Variants in CASKIN2 observed in about 807,000 individuals in gnomAD.
CASKIN2 encodes the protein CASK interacting protein 2, also known as caskin-2.
CASKIN2 carries 41 observed loss-of-function variants against 107.1 expected under a neutral mutation model. That is an observed-to-expected ratio of 0.38 (90% CI 0.30 to 0.50). CASKIN2 has a LOEUF of 0.50. CASKIN2 is among the 20% of genes least tolerant of loss of function. The pLI is 0.92. For synonymous variants in CASKIN2, 724 were observed against 705.6 expected (o/e 1.03, Z -0.41); for missense variants, 1,546 against 1,657.4 (o/e 0.93, Z 1.17).
chr17:75,509,878 G>A (rs1010335851), intron 2 of CASKIN2: 8 of 985,650 alleles, frequency 8.1e-6, no homozygotes, highest in Non-Finnish European at 7.2e-6. Context: ...CTCCCGAGAG[G>A]AGCAGGACAA....
In CASKIN2 at chr17:75,506,956, C is replaced by T; in HGVS notation, c.390+28G>A. ...GTCCGGCACCCCACCCTGCCCTGCG[C>T]CACGCCCCTGTGGGCAGCCTCACGT... On this transcript the variant is annotated intron_variant, in intron 5 of 19. Transcript: ENST00000321617. The surrounding 1 kb of genome is among the most constrained non-coding windows in gnomAD (Gnocchi z 4.8). 1 of 1,612,758 alleles carries T rather than the reference C, an allele frequency of 6.2e-7. No homozygotes were observed. Among genetic ancestry groups the T allele is most frequent in the South Asian group, 1.1e-5 (1 of 90,998 alleles).
In CASKIN2 at chr17:75,506,835, C is replaced by T. The variant is rs370752925; in HGVS notation, c.450G>A (p.Thr150=). 527 of 1,613,172 alleles carry T rather than the reference C, an allele frequency of 3.3e-4. 1 individual carries two copies. The highest frequency in any genetic ancestry group is 4.9e-4 in the Middle Eastern group (3 of 6,070). The change falls in exon 6 of 20, where the codon ACG becomes ACA. Residue 150 remains threonine (T), a synonymous_variant. Coordinates refer to ENST00000321617, the MANE Select transcript of CASKIN2 (RefSeq NM_020753.5). The surrounding 1 kb of genome is among the most constrained non-coding windows in gnomAD (Gnocchi z 4.8). ...CAAATTCACAGGCCAGGTCCAGGGG[C>T]GTCTTCTTGGCCTTGTTGACCAGGC... ...NPCLVNKAKK[T]PLDLACEFGR...
Position 75,503,052 on chromosome 17 carries a change from T to C in CASKIN2, c.2022A>G (p.Pro674=), listed in dbSNP as rs759410168. 4 of 1,607,176 alleles carry C rather than the reference T, an allele frequency of 2.5e-6. No homozygotes were observed. In the East Asian group the frequency reaches 8.9e-5, roughly 36 times the overall value. ...CCCCTGCCATGGCCGCCTGTAGCTC[T>C]GGGCTTAGTTCGCTGCCCTGGAAGG... ...LLTFQGSELS[P]ELQAAMAGGG... Residue 674 remains proline, a synonymous_variant, in exon 18 of 20, where the codon CCA becomes CCG. Coordinates refer to ENST00000321617, the MANE Select transcript of CASKIN2 (RefSeq NM_020753.5).
At chr17:75,504,508 C>G (rs750004882) in intron 12 of CASKIN2, 28 bp from the exon 13 acceptor site, 1 of 1,597,502 alleles carries the variant, frequency 6.3e-7, no homozygotes, top group South Asian at 1.1e-5. Flanking sequence ...GGAGCCAACT[C>G]AGCATTTGGG....
chr17:75,507,966 G>C, intron 3 of CASKIN2: 1 of 584,270 alleles, frequency 1.7e-6, no homozygotes, highest in Non-Finnish European at 3.0e-6. Context: ...AGGGAGAAAA[G>C]GGGGCCCCAA....
At position 75,502,374 on chromosome 17, in the gene CASKIN2, T is replaced by G; in HGVS notation, c.2700A>C (p.Thr900=). ...DESPGPKEGA[T]GPRRRTLSEP... is the part of the protein sequence containing the mutation. ...CACTCAGTGTTCGCCTTCGGGGCCCTGTGGCCCCTTCCTTGGGCCCTGGGC... is the reference window on the plus strand; with the variant it reads ...CACTCAGTGTTCGCCTTCGGGGCCCGGTGGCCCCTTCCTTGGGCCCTGGGC... Residue 900 remains threonine (T), a synonymous_variant, in exon 18 of 20, where the codon ACA becomes ACC. Transcript: ENST00000321617. This position sits in a 1 kb window ranked among gnomAD's most constrained non-coding sequence, Gnocchi z 4.3. 1 of 1,467,322 alleles carries G rather than the reference T, an allele frequency of 6.8e-7. No individual in the cohort carries two copies. Among genetic ancestry groups the G allele is most frequent in the South Asian group, 1.4e-5 (1 of 69,958 alleles). 90.9% of individuals were successfully genotyped at this position (1,467,322 alleles called of 1,614,324 possible).
Position 75,505,764 on chromosome 17 carries a change from T to A in CASKIN2, c.835+57A>T. 1 of 1,562,798 alleles carries A rather than the reference T, an allele frequency of 6.4e-7. No individual in the cohort carries two copies. The highest frequency in any genetic ancestry group is 8.8e-7 in the Non-Finnish European group (1 of 1,138,894). On this transcript the variant is annotated intron_variant, in intron 9 of 19. Coordinates refer to ENST00000321617, the MANE Select transcript of CASKIN2 (RefSeq NM_020753.5). The surrounding 1 kb of genome is among the most constrained non-coding windows in gnomAD (Gnocchi z 5.1). ...GGACGTCCACTCCCCCTCCACATCC[T>A]GGTACCACTTGAGCGGCCCCAGGCC...
chr17:75,507,268 C>CTTA, intron 4 of CASKIN2, 139 bp from the exon 5 acceptor site: 1 of 1,040,116 alleles, frequency 9.6e-7, no homozygotes, highest in Non-Finnish European at 1.4e-6. Context: ...TCCAGGTGTG[C>CTTA]TTAGGAAGAG....
rs2053219171 is a variant in CASKIN2, at chr17:75,502,949, C to T, written c.2125G>A (p.Gly709Ser). 1.3e-6 allele frequency: 2 copies of T among 1,580,342 alleles called. No individual in the cohort carries two copies. The highest frequency in any genetic ancestry group is 2.7e-5 in the African/African-American group (2 of 74,222). The change falls in exon 18 of 20, where the codon GGC (glycine) becomes AGC (serine). Residue 709 changes from glycine to serine, a missense_variant. By Grantham distance (56) the Gly-to-Ser change is moderately conservative. This residue lies in a region of CASKIN2 where 1,311 missense variants were observed against 1,311.0 expected (regional missense o/e 1.00). Transcript: ENST00000321617. The surrounding 1 kb of genome is among the most constrained non-coding windows in gnomAD (Gnocchi z 4.3). Reference sequence around the variant, plus strand: ...GGGGCAGGCTGTTCCTGTGAGTGGCCAGACCCCCGTGAGCGTGCCCCGATG... The same window carrying T: ...GGGGCAGGCTGTTCCTGTGAGTGGCTAGACCCCCGTGAGCGTGCCCCGATG... ...ESIGARSRGS[G>S]HSQEQPAPQP...
Position 75,503,030 on chromosome 17 carries a change from C to G in CASKIN2, c.2044G>C (p.Gly682Arg), listed in dbSNP as rs775693609. 1 of 1,606,114 alleles carries G rather than the reference C, an allele frequency of 6.2e-7. No homozygotes were observed. The highest frequency in any genetic ancestry group is 1.1e-5 in the South Asian group (1 of 90,578). Residue 682 changes from glycine (G) to arginine (R), a missense_variant, in exon 18 of 20, where the codon GGG becomes CGG. Physicochemically the swap from Gly to Arg is moderately radical, Grantham distance 125 (BLOSUM62 -2). This residue lies in a region of CASKIN2 where 1,311 missense variants were observed against 1,311.0 expected (regional missense o/e 1.00). Coordinates refer to ENST00000321617, the MANE Select transcript of CASKIN2 (RefSeq NM_020753.5). ...LSPELQAAMA[G>R]GGPEPLPLPP... ...AGGGGGAGTGGTTCAGGGCCACCCCCTGCCATGGCCGCCTGTAGCTCTGGG... is the reference window on the plus strand; with the variant it reads ...AGGGGGAGTGGTTCAGGGCCACCCCGTGCCATGGCCGCCTGTAGCTCTGGG...
chr17:75,503,084 G>A lies in CASKIN2; in HGVS notation c.1990C>T (p.Leu664Phe). ...GEGPATAGPR[L>F]LTFQGSELSP... ...AGTTCGCTGCCCTGGAAGGTGAGGA[G>A]CCGTGGGCCAGCTGTAGCTGGGCCT... is the stretch of plus-strand genomic sequence containing the variant. Residue 664 changes from leucine (L) to phenylalanine (F), a missense_variant, in exon 18 of 20, where the codon CTC becomes TTC. Coordinates refer to ENST00000321617, the MANE Select transcript of CASKIN2 (RefSeq NM_020753.5). 3.1e-6 allele frequency: 5 copies of A among 1,607,208 alleles called. No homozygotes were observed. Among genetic ancestry groups the A allele is most frequent in the Non-Finnish European group, 4.2e-6 (5 of 1,178,604 alleles).
rs199753414 is a variant in CASKIN2 at position 75,503,122 on chromosome 17, A to G, written c.1952T>C (p.Leu651Pro). Residue 651 changes from leucine to proline, a missense_variant, in exon 18 of 20, where the codon CTG (leucine) becomes CCG (proline). By Grantham distance (98) the Leu-to-Pro change is moderately conservative (BLOSUM62 -3). Coordinates refer to ENST00000321617, the MANE Select transcript of CASKIN2 (RefSeq NM_020753.5). ...TGTAGCTGGGCCTTCTCCGTTCTCC[A>G]GTCCCTCGATGGCCATCAGCTCCGG... is the stretch of plus-strand genomic sequence containing the variant. ...KGPELMAIEG[L>P]ENGEGPATAG... 1.2e-6 allele frequency: 2 copies of G among 1,606,822 alleles called. No individual in the cohort carries two copies. The highest frequency in any genetic ancestry group is 1.7e-6 in the Non-Finnish European group (2 of 1,178,220).
In CASKIN2 at chr17:75,503,670, T is replaced by G; in HGVS notation, c.1669A>C (p.Ser557Arg). Residue 557 changes from serine to arginine, a missense_variant, in exon 16 of 20, where the codon AGC becomes CGC. By Grantham distance (110) the Ser-to-Arg change is moderately radical. Around this residue, in one of 6 missense-constraint regions of CASKIN2, gnomAD observed 1,311 missense variants for 1,311.0 expected, o/e 1.00. Coordinates refer to ENST00000321617, the MANE Select transcript of CASKIN2 (RefSeq NM_020753.5). ...AQLSIAEWLP[S>R]YIPTDLLEWL... The stretch of plus-strand genomic sequence containing the variant: ...CCTTGATGGCTCACTGGGATGTAGC[T>G]GGGCAGCCACTCGGCGATGCTGAGC... The G allele has an allele frequency of 6.2e-7, 1 of 1,611,824 alleles. No homozygotes were observed. Among genetic ancestry groups the G allele is most frequent in the Non-Finnish European group, 8.5e-7 (1 of 1,179,988 alleles).
At position 75,505,124 on chromosome 17, in the gene CASKIN2, T is replaced by C; in HGVS notation, c.931-51A>G. ...ACGGTCACTCCCAGCACCAGGCAAG[T>C]GGCAAACGGTTGTCCCTGCAGCTGC... On this transcript the variant is annotated intron_variant, in intron 10 of 19. Coordinates refer to ENST00000321617, the MANE Select transcript of CASKIN2 (RefSeq NM_020753.5). The surrounding 1 kb of genome is among the most constrained non-coding windows in gnomAD (Gnocchi z 5.1). 2 of 1,588,472 alleles carry C rather than the reference T, an allele frequency of 1.3e-6. No homozygotes were observed. Among genetic ancestry groups the C allele is most frequent in the South Asian group, 2.2e-5 (2 of 90,478 alleles).
intron 2 of CASKIN2, among the ~76,000 whole-genome samples, chr17:75,508,635 G>A (rs539950335): frequency 3.9e-5 from 6 of 152,268 alleles, no homozygotes; most frequent in African/African-American, 7.2e-5. Flanking sequence ...GCCAGGCAGC[G>A]AGTCATGTTG....
chr17:75,504,727 C>T, intron 11 of CASKIN2, 34 bp from the exon 12 acceptor site: 1 of 1,579,530 alleles, frequency 6.3e-7, no homozygotes. Context: ...GTCAGAGTCC[C>T]AAGTGTCGCT....
In CASKIN2 at chr17:75,501,085, C is replaced by T; in HGVS notation, c.3604G>A (p.Asp1202Asn). The change falls in exon 20 of 20, where the codon GAC (aspartate) becomes AAC (asparagine). Residue 1202 changes from aspartate to asparagine, a missense_variant. Asp to Asn is a conservative substitution (Grantham distance 23, BLOSUM62 1). Transcript: ENST00000321617. ...AGTGGGCACTGCTGGAGGGCTCAGT[C>T]CAGCATGGCGTCCAGCTGGTCAGCC... is the stretch of plus-strand genomic sequence containing the variant. ...ALADQLDAML[D>N] The T allele has an allele frequency of 1.9e-6, 3 of 1,572,760 alleles. No homozygotes were observed. Among genetic ancestry groups the T allele is most frequent in the Non-Finnish European group, 2.6e-6 (3 of 1,159,246 alleles).
At position 75,506,099 on chromosome 17, in the gene CASKIN2, G is replaced by C. The variant is rs140450161; in HGVS notation, c.727-170C>G. 2.1e-3 allele frequency among the ~76,000 whole-genome samples: 315 copies of C among 152,314 alleles called. No homozygotes were observed. The highest frequency in any genetic ancestry group is 7.2e-3 in the African/African-American group (298 of 41,558). On this transcript the variant is annotated intron_variant, in intron 8 of 19. Coordinates refer to ENST00000321617, the MANE Select transcript of CASKIN2 (RefSeq NM_020753.5). This position sits in a 1 kb window ranked among gnomAD's most constrained non-coding sequence, Gnocchi z 4.8. ...AAGCTCAAGTTCACTCAGCTAGTAA[G>C]AGGCAGATCTGGGGTGCCAATCAGG... is the stretch of plus-strand genomic sequence containing the variant.
intron 2 of CASKIN2, among the ~76,000 whole-genome samples, chr17:75,513,266 C>T (rs956322339): frequency 2.6e-5 from 4 of 151,860 alleles, no homozygotes; most frequent in African/African-American, 9.7e-5. Flanking sequence ...ATGGTGAAAC[C>T]CCCATCTCTA....
Sources: gnomAD v4.1 joint callset for allele counts (sites outside exome capture counted in the v4.1 genomes callset) on GRCh38, gnomAD v4.1.1 for gene constraint, gnomAD v4.1.1 regional missense constraint, Gnocchi (gnomAD v3.1) non-coding constraint, MANE v1.5 for transcripts, NCBI Gene and HGNC (gene_info 2026-07-23, HGNC 2026-07-21) for gene names.